Variants in MACROD2 observed in about 807,000 individuals in gnomAD.
MACROD2 encodes the protein mono-ADP ribosylhydrolase 2, also known as ADP-ribose glycohydrolase MACROD2.
MACROD2 carries 36 observed loss-of-function variants against 70.4 expected under a neutral mutation model. The ratio of observed to expected loss-of-function variants is 0.51; its 90% CI spans 0.39 to 0.68. MACROD2 has a LOEUF of 0.68. MACROD2 is among the 30% of genes least tolerant of loss of function. The probability of loss-of-function intolerance (pLI) is 0.00; values close to 1 mark genes in which losing one functional copy is unlikely to be tolerated. For missense variants in MACROD2, 496 were observed against 538.4 expected (o/e 0.92, Z 0.78); for synonymous variants, 172 against 178.8 (o/e 0.96, Z 0.30).
At chr20:15,497,611 G>A (rs1200761273) in intron 7 of MACROD2, among the ~76,000 whole-genome samples, 2 of 152,066 alleles carry the variant, frequency 1.3e-5, no homozygotes, top group African/African-American at 4.8e-5. Context: ...CTTCTTTGCA[G>A]CTCACCCGTA....
intron 9 of MACROD2, among the ~76,000 whole-genome samples, chr20:15,874,747 G>A (rs577532941): frequency 3.2e-4 from 49 of 152,182 alleles, no homozygotes; most frequent in African/African-American, 7.0e-4. Flanking sequence ...TGTGGTAGGC[G>A]GAAAAATGTC....
chr20:14,681,165 G>T (rs1337194419), intron 4 of MACROD2, among the ~76,000 whole-genome samples: 1 of 152,124 alleles, frequency 6.6e-6, no homozygotes, highest in Admixed American at 6.5e-5. Flanking sequence ...CTCTTACATT[G>T]CTGGGGTTAT....
chr20:15,243,125 C>T (rs1454138642), intron 6 of MACROD2, among the ~76,000 whole-genome samples: 2 of 152,122 alleles, frequency 1.3e-5, no homozygotes, highest in African/African-American at 4.8e-5. Context: ...ATAAGTAGCT[C>T]CTCTCAGTCA....
chr20:14,149,740 G>A (rs978298757), intron 3 of MACROD2, among the ~76,000 whole-genome samples: 7 of 152,118 alleles, frequency 4.6e-5, no homozygotes, highest in African/African-American at 1.7e-4. Context: ...GATAATTAGT[G>A]ATGTTGAGCA....
intron 3 of MACROD2, among the ~76,000 whole-genome samples, chr20:14,281,238 C>T (rs772921990): frequency 6.6e-6 from 1 of 151,872 alleles, no homozygotes; most frequent in Non-Finnish European, 1.5e-5. Context: ...AATTATTTGC[C>T]CATAAAAATG....
chr20:15,952,106 T>TCCCTGCATAA (rs766013228), intron 12 of MACROD2, among the ~76,000 whole-genome samples: 137 of 151,968 alleles, frequency 9.0e-4, no homozygotes, highest in Non-Finnish European at 1.5e-3. Flanking sequence ...GCTCTCTCTT[T>TCCCTGCATAA]GCCTGCCACC....
chr20:15,110,015 G>A (rs1029307979), intron 5 of MACROD2, among the ~76,000 whole-genome samples: 2 of 152,124 alleles, frequency 1.3e-5, no homozygotes, highest in African/African-American at 4.8e-5. Flanking sequence ...CATGATGATG[G>A]TTAAGCCCTT....
At chr20:14,396,553 G>A (rs2083581702) in intron 3 of MACROD2, among the ~76,000 whole-genome samples, 1 of 152,116 alleles carries the variant, frequency 6.6e-6, no homozygotes, top group Non-Finnish European at 1.5e-5. Flanking sequence ...TATATACTGT[G>A]ACATTCTTCT....
chr20:15,757,847 C>CT (rs1007935730), intron 8 of MACROD2, among the ~76,000 whole-genome samples: 3 of 152,158 alleles, frequency 2.0e-5, no homozygotes, highest in Non-Finnish European at 4.4e-5. Flanking sequence ...CTTCATCTAA[C>CT]TTTAACTACC....
At chr20:15,568,030 T>C (rs886889602) in intron 8 of MACROD2, among the ~76,000 whole-genome samples, 1 of 152,222 alleles carries the variant, frequency 6.6e-6, no homozygotes, top group African/African-American at 2.4e-5. Context: ...AATATATTAA[T>C]GTGCTTCAAC....
chr20:14,193,065 G>C (rs1243860104), intron 3 of MACROD2, among the ~76,000 whole-genome samples: 2 of 152,188 alleles, frequency 1.3e-5, no homozygotes, highest in Non-Finnish European at 2.9e-5. Context: ...CCTTCAGCCT[G>C]ACATGTTACA....
chr20:14,550,293 G>C (rs1344722433), intron 4 of MACROD2, among the ~76,000 whole-genome samples: 2 of 151,922 alleles, frequency 1.3e-5, no homozygotes, highest in African/African-American at 4.8e-5. Context: ...TCCTTTCCCT[G>C]TCCCTTCCTT....
intron 3 of MACROD2, among the ~76,000 whole-genome samples, chr20:14,464,508 A>G (rs1250655075): frequency 1.3e-5 from 2 of 151,780 alleles, no homozygotes; most frequent in Non-Finnish European, 2.9e-5. Context: ...TTGATTTTTT[A>G]AAGGGTTTTT....
chr20:15,496,084 G>A (rs2146484291), intron 7 of MACROD2, among the ~76,000 whole-genome samples: 1 of 152,214 alleles, frequency 6.6e-6, no homozygotes, highest in South Asian at 2.1e-4. Context: ...GACAAGAAAG[G>A]GCCAGCTTAT....
chr20:14,628,383 C>G (rs1984307575), intron 4 of MACROD2, among the ~76,000 whole-genome samples: 1 of 151,892 alleles, frequency 6.6e-6, no homozygotes, highest in Admixed American at 6.6e-5. Context: ...CATGTAGTAG[C>G]AGAGGACATG....
At chr20:14,231,058 A>G (rs958281886) in intron 3 of MACROD2, among the ~76,000 whole-genome samples, 1 of 151,900 alleles carries the variant, frequency 6.6e-6, no homozygotes, top group Non-Finnish European at 1.5e-5. Flanking sequence ...CATGTTGTAA[A>G]CAAATGTGCT....
At chr20:15,058,242 T>C (rs1209458835) in intron 5 of MACROD2, among the ~76,000 whole-genome samples, 1 of 152,142 alleles carries the variant, frequency 6.6e-6, no homozygotes, top group East Asian at 1.9e-4. Flanking sequence ...TGTAGAAAAG[T>C]TCTTATTTGA....
intron 5 of MACROD2, among the ~76,000 whole-genome samples, chr20:15,144,877 A>C (rs1195187884): frequency 2.0e-5 from 3 of 152,142 alleles, no homozygotes; most frequent in African/African-American, 7.2e-5. Flanking sequence ...CTATAGTACT[A>C]TATACTATAC....
intron 6 of MACROD2, among the ~76,000 whole-genome samples, chr20:15,243,200 G>T (rs2077075247): frequency 6.6e-6 from 1 of 152,108 alleles, no homozygotes; most frequent in African/African-American, 2.4e-5. Context: ...TTGAAGCTGG[G>T]GCACTGTCCT....
Sources: allele counts gnomAD v4.1 joint callset (sites outside exome capture counted in the v4.1 genomes callset), GRCh38; gene constraint gnomAD v4.1.1; transcripts MANE v1.5; gene names NCBI Gene and HGNC (gene_info 2026-07-23, HGNC 2026-07-21).